PTPRD: variants seen among roughly 807,000 people sequenced by gnomAD.
PTPRD encodes protein tyrosine phosphatase receptor type D.
In PTPRD, 34 loss-of-function variants were observed where a neutral mutation model predicts 214.5. The ratio of observed to expected loss-of-function variants is 0.16; its 90% CI spans 0.12 to 0.21. PTPRD has a LOEUF of 0.21. Ranked by LOEUF, PTPRD falls within the 10% of genes least tolerant of loss-of-function variation. The pLI is 1.00. For missense variants in PTPRD, 2,545 were observed against 2,398.7 expected (o/e 1.06, Z -1.27); for synonymous variants, 1,128 against 845.7 (o/e 1.33, Z -5.79).
intron 2 of PTPRD, among the ~76,000 whole-genome samples, chr9:10,390,235 A>G (rs925165318): frequency 6.6e-6 from 1 of 151,654 alleles, no homozygotes; most frequent in African/African-American, 2.4e-5. Flanking sequence ...AATAGCTAAA[A>G]GACAACCAAA....
At chr9:8,565,174 T>C (rs1404601500) in intron 14 of PTPRD, among the ~76,000 whole-genome samples, 1 of 150,960 alleles carries the variant, frequency 6.6e-6, no homozygotes, top group African/African-American at 2.4e-5. Flanking sequence ...TAAGAAATCA[T>C]GGTCACAGGA....
intron 2 of PTPRD, among the ~76,000 whole-genome samples, chr9:10,400,131 C>G (rs749132780): frequency 2.6e-5 from 4 of 151,900 alleles, no homozygotes; most frequent in Non-Finnish European, 5.9e-5. Flanking sequence ...ACATTCAATT[C>G]TCGTCTCCTT....
intron 3 of PTPRD, among the ~76,000 whole-genome samples, chr9:10,294,592 A>G (rs1265893234): frequency 1.3e-5 from 2 of 151,940 alleles, no homozygotes; most frequent in African/African-American, 4.8e-5. Context: ...TTCTCTGGAC[A>G]TTTTCTTATC....
chr9:8,578,493 G>A (rs949055530), intron 14 of PTPRD, among the ~76,000 whole-genome samples: 1 of 152,066 alleles, frequency 6.6e-6, no homozygotes, highest in African/African-American at 2.4e-5. Context: ...TTGCAAACAC[G>A]TGAAACAAAA....
chr9:9,482,490 T>G (rs62533200), intron 8 of PTPRD, among the ~76,000 whole-genome samples: 14,894 of 152,240 alleles, frequency 0.098, 746 homozygotes, highest in African/African-American at 0.13. Flanking sequence ...AGAATTGTTC[T>G]TTTCTTTCAT....
intron 8 of PTPRD, among the ~76,000 whole-genome samples, chr9:9,556,392 T>C (rs940812582): frequency 6.6e-6 from 1 of 152,074 alleles, no homozygotes; most frequent in African/African-American, 2.4e-5. Flanking sequence ...GCACGTTTGG[T>C]GTAACATTTA....
At chr9:10,079,140 T>G (rs566835744) in intron 3 of PTPRD, among the ~76,000 whole-genome samples, 4 of 152,066 alleles carry the variant, frequency 2.6e-5, no homozygotes, top group Non-Finnish European at 5.9e-5. Context: ...TATCCCTCCC[T>G]CTAAGCTGAT....
intron 21 of PTPRD, among the ~76,000 whole-genome samples, chr9:8,514,328 TTTTG>T (rs1329332717): frequency 1.3e-5 from 2 of 152,156 alleles, no homozygotes; most frequent in African/African-American, 4.8e-5. Context: ...TTAGGAAAAA[TTTTG>T]TTTCTCAGAT....
At chr9:9,075,340 A>AT (rs2099749488) in intron 10 of PTPRD, among the ~76,000 whole-genome samples, 1 of 152,086 alleles carries the variant, frequency 6.6e-6, no homozygotes, top group African/African-American at 2.4e-5. Context: ...AGTATAATAA[A>AT]TTTTTGTTGA....
At chr9:10,518,269 G>A (rs2050793011) in intron 2 of PTPRD, among the ~76,000 whole-genome samples, 1 of 152,052 alleles carries the variant, frequency 6.6e-6, no homozygotes, top group Non-Finnish European at 1.5e-5. Context: ...AAATCATGAA[G>A]AACATTTCAT....
At chr9:9,390,741 A>G (rs1019431518) in intron 9 of PTPRD, among the ~76,000 whole-genome samples, 2 of 152,158 alleles carry the variant, frequency 1.3e-5, no homozygotes, top group Non-Finnish European at 2.9e-5. Flanking sequence ...GCACAGTCTT[A>G]TCAAGTTCTG....
Position 10,417,631 on chromosome 9 carries a change from A to G in PTPRD, c.-599-76614T>C, listed in dbSNP as rs547578717. 2.6e-5 allele frequency among the ~76,000 whole-genome samples: 4 copies of G among 151,884 alleles called. No individual in the cohort carries two copies. The East Asian group carries it at 5.9e-4, about 22-fold the overall frequency. On this transcript the variant is annotated intron_variant, in intron 2 of 45. Coordinates refer to ENST00000381196, the MANE Select transcript of PTPRD (RefSeq NM_002839.4). The stretch of plus-strand genomic sequence containing the variant: ...TAATAACATATATAAATAAATATAG[A>G]TTCTGAAGCATTTAGTAATGCATGT...
intron 5 of PTPRD, among the ~76,000 whole-genome samples, chr9:9,794,959 A>G (rs1027120106): frequency 3.3e-4 from 51 of 152,336 alleles, no homozygotes; most frequent in African/African-American, 1.2e-3. Context: ...TCACAGGTCT[A>G]AATGAATGAG....
rs565072588 is a variant in PTPRD at position 10,585,781 on chromosome 9, T to C, written c.-600+26617A>G. 1.7e-4 allele frequency among the ~76,000 whole-genome samples: 26 copies of C among 151,924 alleles called. 1 individual carries two copies. In the South Asian group the frequency reaches 5.4e-3, roughly 32 times the overall value. On this transcript the variant is annotated intron_variant, in intron 2 of 45. Transcript: ENST00000381196. ...TGGGGGGAAAAGGGCCCTTATTAAATACTGGAGACTTTCCAGGATAATACC... is the reference window on the plus strand; with the variant it reads ...TGGGGGGAAAAGGGCCCTTATTAAACACTGGAGACTTTCCAGGATAATACC...
chr9:10,398,679 A>G (rs1485471485), intron 2 of PTPRD, among the ~76,000 whole-genome samples: 2 of 151,970 alleles, frequency 1.3e-5, no homozygotes, highest in Non-Finnish European at 2.9e-5. Flanking sequence ...TGTTATGAGG[A>G]GCAGAGAAAG....
intron 2 of PTPRD, among the ~76,000 whole-genome samples, chr9:10,488,685 C>A (rs555337340): frequency 6.6e-6 from 1 of 152,228 alleles, no homozygotes; most frequent in East Asian, 1.9e-4. Flanking sequence ...TCAGTCCTTC[C>A]CACTCTTCCC....
intron 11 of PTPRD, among the ~76,000 whole-genome samples, chr9:8,846,256 G>T (rs915380657): frequency 6.6e-6 from 1 of 152,152 alleles, no homozygotes; most frequent in Non-Finnish European, 1.5e-5. Context: ...TGGGTTGTAA[G>T]ATTTGGGCCG....
intron 5 of PTPRD, among the ~76,000 whole-genome samples, chr9:9,919,951 T>C (rs573790359): frequency 6.6e-6 from 1 of 152,174 alleles, no homozygotes; most frequent in African/African-American, 2.4e-5. Context: ...GTAACACCTA[T>C]ACGCTTTTCT....
intron 2 of PTPRD, among the ~76,000 whole-genome samples, chr9:10,516,807 C>T (rs2050269991): frequency 6.6e-6 from 1 of 151,764 alleles, no homozygotes; most frequent in African/African-American, 2.4e-5. Context: ...CTAGTTTTCC[C>T]AGCACCATTT....
Sources: gnomAD v4.1 joint callset for allele counts (sites outside exome capture counted in the v4.1 genomes callset) on GRCh38, gnomAD v4.1.1 for gene constraint, MANE v1.5 for transcripts, NCBI Gene and HGNC (gene_info 2026-07-23, HGNC 2026-07-21) for gene names.